SUMF1: variants seen among roughly 807,000 people sequenced by gnomAD.
SUMF1 encodes the protein sulfatase modifying factor 1.
Under a neutral mutation model 47.6 loss-of-function variants are expected in SUMF1, and 48 were observed. That is an observed-to-expected ratio of 1.01 (90% CI 0.80 to 1.28). SUMF1 has a LOEUF of 1.28. Among genes scored for constraint, SUMF1 ranks in the 50% most tolerant of loss-of-function variants. The pLI is 0.00. For synonymous variants in SUMF1, 230 were observed against 192.1 expected, an observed-to-expected ratio of 1.20 and a Z score of -1.63; for missense variants, 571 against 485.4, an observed-to-expected ratio of 1.18 and a Z score of -1.66.
chr3:4,423,306 A>G (rs866082333), intron 3 of SUMF1, among the ~76,000 whole-genome samples: 16 of 152,060 alleles, frequency 1.1e-4, no homozygotes, highest in South Asian at 2.1e-4. Flanking sequence ...ACACACACAC[A>G]CACACACACA....
At chr3:4,389,222 T>C (rs1222423081) in intron 7 of SUMF1, among the ~76,000 whole-genome samples, 3 of 152,158 alleles carry the variant, frequency 2.0e-5, no homozygotes, top group Non-Finnish European at 4.4e-5. Context: ...GATACTTCAC[T>C]GGATAAGGAT....
chr3:4,412,730 C>CA (rs1290300204), intron 6 of SUMF1, among the ~76,000 whole-genome samples: 2 of 151,718 alleles, frequency 1.3e-5, no homozygotes, highest in Non-Finnish European at 1.5e-5. Context: ...CTAAAAATAC[C>CA]AAAAAAATTA....
intron 9 of SUMF1, among the ~76,000 whole-genome samples, chr3:4,049,244 G>A (rs1197767600): frequency 6.6e-6 from 1 of 152,146 alleles, no homozygotes; most frequent in Non-Finnish European, 1.5e-5. Context: ...CAGTTGCCAT[G>A]GCAGAAGGAA....
chr3:4,073,998 A>G (rs1357329450), intron 8 of SUMF1, among the ~76,000 whole-genome samples: 1 of 152,134 alleles, frequency 6.6e-6, no homozygotes, highest in East Asian at 1.9e-4. Context: ...CCTAATAGAC[A>G]TCTACCAAAC....
At chr3:4,341,383 T>A (rs908217849) in intron 8 of SUMF1, among the ~76,000 whole-genome samples, 1 of 152,170 alleles carries the variant, frequency 6.6e-6, no homozygotes, top group Non-Finnish European at 1.5e-5. Context: ...GGCATTTTGG[T>A]TTTTTTAAAA....
chr3:4,161,744 G>T (rs1258275515), intron 8 of SUMF1, among the ~76,000 whole-genome samples: 1 of 152,068 alleles, frequency 6.6e-6, no homozygotes, highest in Non-Finnish European at 1.5e-5. Flanking sequence ...CCATCTAAGA[G>T]CCAAGACCTA....
At chr3:4,410,656 C>G (rs1264828013) in intron 7 of SUMF1, among the ~76,000 whole-genome samples, 1 of 152,134 alleles carries the variant, frequency 6.6e-6, no homozygotes, top group Non-Finnish European at 1.5e-5. Flanking sequence ...CATCACAATC[C>G]AGGAAAAGAT....
chr3:4,269,313 C>T (rs1205403215), intron 8 of SUMF1, among the ~76,000 whole-genome samples: 1 of 152,032 alleles, frequency 6.6e-6, no homozygotes, highest in East Asian at 1.9e-4. Context: ...CCTCCCCACT[C>T]CCCCCATCCC....
At chr3:4,081,298 C>T in intron 8 of SUMF1, among the ~76,000 whole-genome samples, 1 of 152,096 alleles carries the variant, frequency 6.6e-6, no homozygotes, top group East Asian at 1.9e-4. Flanking sequence ...TTCCTTCTGC[C>T]TCATCTAGGG....
chr3:4,090,691 T>C (rs1692766547), intron 8 of SUMF1, among the ~76,000 whole-genome samples: 1 of 152,152 alleles, frequency 6.6e-6, no homozygotes, highest in Non-Finnish European at 1.5e-5. Flanking sequence ...GAGGGGCTCC[T>C]GACAATTTTC....
At chr3:4,351,019 T>A (rs1278942766) in intron 8 of SUMF1, among the ~76,000 whole-genome samples, 2 of 152,030 alleles carry the variant, frequency 1.3e-5, no homozygotes, top group African/African-American at 4.8e-5. Flanking sequence ...AAAACCACTT[T>A]GAGCTACCAC....
intron 8 of SUMF1, among the ~76,000 whole-genome samples, chr3:4,335,966 A>AAACAAAAAAAC (rs575357717): frequency 2.1e-5 from 3 of 144,914 alleles, no homozygotes; most frequent in Admixed American, 1.4e-4. Flanking sequence ...AACTCAAAAA[A>AAACAAAAAAAC]AAAAAAAAAA....
Position 4,175,155 on chromosome 3 carries a change from G to C in SUMF1, c.1015-106410C>G, listed in dbSNP as rs150121887. Among the ~76,000 whole-genome samples the C allele has an allele frequency of 8.3e-3, 1,264 of 152,294 alleles. 21 individuals carry two copies. Among genetic ancestry groups the C allele is most frequent in the African/African-American group, 0.029 (1,214 of 41,560 alleles). On this transcript the variant is annotated intron_variant and NMD_transcript_variant, in intron 8 of 12. Coordinates refer to the SUMF1 transcript ENST00000448413. ...AACTTCTGCAGATTTAAACGTCCCT[G>C]TCTGACAGTTCCAAAGACAGCAGTG...
At chr3:4,418,635 T>C (rs529569523) in intron 4 of SUMF1, among the ~76,000 whole-genome samples, 105 of 152,342 alleles carry the variant, frequency 6.9e-4, no homozygotes, top group Non-Finnish European at 1.2e-3. Flanking sequence ...ATTGTGGCTT[T>C]GACTTCTCCC....
chr3:4,118,186 C>A (rs1260253578), intron 8 of SUMF1, among the ~76,000 whole-genome samples: 1 of 151,926 alleles, frequency 6.6e-6, no homozygotes. Context: ...GTACTCTTGA[C>A]CATCATCGCC....
intron 8 of SUMF1, among the ~76,000 whole-genome samples, chr3:4,221,813 T>C (rs1696070622): frequency 6.6e-6 from 1 of 152,122 alleles, no homozygotes; most frequent in South Asian, 2.1e-4. Flanking sequence ...TATACATATA[T>C]GTTTCACATA....
chr3:4,198,243 C>T (rs1444057), intron 8 of SUMF1, among the ~76,000 whole-genome samples: 51,879 of 151,828 alleles, frequency 0.34, 8,972 homozygotes, highest in East Asian at 0.4. Flanking sequence ...GTTATACCTC[C>T]TATGGAGTAA....
rs192560735 is a variant in SUMF1 at position 4,417,947 on chromosome 3, T to G, written c.725+63A>C. 6.3e-5 allele frequency: 102 copies of G among 1,612,588 alleles called. No homozygotes were observed. In the East Asian group the frequency reaches 2.2e-3, roughly 35 times the overall value. On this transcript the variant is annotated intron_variant, in intron 5 of 8. Transcript: ENST00000272902. ...CCAAAGTAAGTTCCATGGAGTTTTTTGTTGTTGTTTGTTTGTTCAAATGAC... is the reference window on the plus strand; with the variant it reads ...CCAAAGTAAGTTCCATGGAGTTTTTGGTTGTTGTTTGTTTGTTCAAATGAC...
chr3:4,176,510 G>A (rs1016447544), intron 8 of SUMF1, among the ~76,000 whole-genome samples: 2 of 152,082 alleles, frequency 1.3e-5, no homozygotes, highest in Non-Finnish European at 2.9e-5. Context: ...TCACCACCAG[G>A]CCTGCCTTAC....
Sources: gnomAD v4.1 joint callset for allele counts (sites outside exome capture counted in the v4.1 genomes callset) on GRCh38, gnomAD v4.1.1 for gene constraint, MANE v1.5 for transcripts, NCBI Gene and HGNC (gene_info 2026-07-23, HGNC 2026-07-21) for gene names.